Variants in E2F2 observed in about 807,000 individuals in gnomAD.
E2F2 encodes the protein transcription factor E2F2.
E2F2 carries 22 observed loss-of-function variants against 42.2 expected under a neutral mutation model. The observed-to-expected ratio is 0.52, with a 90% CI of 0.37 to 0.74. E2F2 has a LOEUF of 0.74. E2F2 is among the 30% of genes least tolerant of loss of function. The probability of loss-of-function intolerance (pLI) is 0.00; values close to 1 mark genes in which losing one functional copy is unlikely to be tolerated. For missense variants in E2F2, 481 were observed against 557.8 expected (o/e 0.86, Z 1.39); for synonymous variants, 248 against 251.6 (o/e 0.99, Z 0.13).
At chr1:23,520,751 AT>A (rs1643127348) in intron 4 of E2F2, among the ~76,000 whole-genome samples, 161 bp downstream of exon 4, 2 of 152,224 alleles carry the variant, frequency 1.3e-5, no homozygotes, top group Non-Finnish European at 1.5e-5. Context: ...TCTAAAAAAA[AT>A]AAATAAATAA....
At chr1:23,510,751 G>T (rs1251470630) in intron 6 of E2F2, among the ~76,000 whole-genome samples, 1 of 152,166 alleles carries the variant, frequency 6.6e-6, no homozygotes, top group Non-Finnish European at 1.5e-5. Flanking sequence ...AAAATCGCAG[G>T]GACAGAGAGT....
Position 23,524,401 on chromosome 1 carries a change from C to T in E2F2, c.340G>A (p.Gly114Ser), listed in dbSNP as rs973803149. The change falls in exon 2 of 7, where the codon GGC (glycine) becomes AGC (serine). Residue 114 changes from glycine (G) to serine (S), a missense_variant. Transcript: ENST00000361729. ...TGCTTACTTTTGGGGCTGGGGAGGC[C>T]ATCCACTCTGATGCACTTCCCCTTG... ...TPKGKCIRVD[G>S]LPSPKTPKSP... The T allele has an allele frequency of 5.6e-6, 9 of 1,612,748 alleles. No individual in the cohort carries two copies. Among genetic ancestry groups the T allele is most frequent in the Middle Eastern group, 1.7e-4 (1 of 6,050 alleles).
intron 6 of E2F2, among the ~76,000 whole-genome samples, chr1:23,513,946 A>T (rs537359754): frequency 6.6e-6 from 1 of 152,168 alleles, no homozygotes; most frequent in Non-Finnish European, 1.5e-5. Context: ...CAACATGGTG[A>T]AACCCTGTCT....
At chr1:23,520,851 A>G in intron 4 of E2F2, 62 bp downstream of exon 4, 4 of 1,451,594 alleles carry the variant, frequency 2.8e-6, no homozygotes, top group Non-Finnish European at 3.6e-6. Context: ...TCAACTCAGG[A>G]TAGATATAAA....
At chr1:23,519,210 C>T in intron 4 of E2F2, 80 bp from the exon 5 acceptor site, 2 of 918,274 alleles carry the variant, frequency 2.2e-6, no homozygotes, top group Non-Finnish European at 3.5e-6. Flanking sequence ...CTTCACCCAC[C>T]TCTCCTAAGC....
intron 1 of E2F2, 109 bp from the exon 2 acceptor site, chr1:23,524,597 C>T (rs1211681044): frequency 2.3e-6 from 2 of 871,388 alleles, no homozygotes; most frequent in Non-Finnish European, 3.5e-6. Context: ...ACCTCTGTGC[C>T]TCAGTTTACC....
At chr1:23,518,012 AAAC>A (rs1311369748) in intron 5 of E2F2, among the ~76,000 whole-genome samples, 1 of 152,150 alleles carries the variant, frequency 6.6e-6, no homozygotes, top group African/African-American at 2.4e-5. Flanking sequence ...TCTACAAAAA[AAAC>A]AAAAAATGTG....
chr1:23,515,862 G>A (rs1396845002), intron 6 of E2F2, among the ~76,000 whole-genome samples: 1 of 151,920 alleles, frequency 6.6e-6, no homozygotes, highest in Non-Finnish European at 1.5e-5. Context: ...CACCACACTC[G>A]GCTAATTTGT....
chr1:23,528,385 T>C (rs1459888031), intron 1 of E2F2, among the ~76,000 whole-genome samples: 2 of 152,182 alleles, frequency 1.3e-5, no homozygotes, highest in Non-Finnish European at 2.9e-5. Context: ...TTTGGAGCTG[T>C]TCCAGGTCAC....
Position 23,530,558 on chromosome 1 carries a change from G to C in E2F2, c.236C>G (p.Pro79Arg), listed in dbSNP as rs761052805. The change falls in exon 1 of 7, where the codon CCG (proline) becomes CGG (arginine). Residue 79 changes from proline to arginine, a missense_variant. Coordinates refer to ENST00000361729, the MANE Select transcript of E2F2 (RefSeq NM_004091.4). The surrounding 1 kb of genome is among the most constrained non-coding windows in gnomAD (Gnocchi z 4.4). ...GPEGQVVRCLPAGRLPAKRKL... is the reference protein window; with the variant it reads ...GPEGQVVRCLRAGRLPAKRKL... ...CAGCATTACCGGCAGCCGGCCTGCC[G>C]GCAGGCATCGCACAACTTGGCCCTC... The C allele has an allele frequency of 8.7e-6, 14 of 1,610,862 alleles. No homozygotes were observed. Among genetic ancestry groups the C allele is most frequent in the African/African-American group, 1.3e-5 (1 of 74,860 alleles).
rs2124260127 is a variant in E2F2 at position 23,524,472 on chromosome 1, T to C, written c.269A>G (p.Asp90Gly). 2 of 1,613,528 alleles carry C rather than the reference T, an allele frequency of 1.2e-6. No homozygotes were observed. The highest frequency in any genetic ancestry group is 1.7e-6 in the Non-Finnish European group (2 of 1,179,768). ...GACGGGCCTCCCAATCCCCTCCAGATCCAGCTTCCTTTTGGCCTTGGAGAA... is the reference window on the plus strand; with the variant it reads ...GACGGGCCTCCCAATCCCCTCCAGACCCAGCTTCCTTTTGGCCTTGGAGAA... ...AGRLPAKRKLDLEGIGRPVVP... is the reference protein window; with the variant it reads ...AGRLPAKRKLGLEGIGRPVVP... Residue 90 changes from aspartate (D) to glycine (G), a missense_variant, in exon 2 of 7, where the codon GAT (aspartate) becomes GGT (glycine). By Grantham distance (94) the Asp-to-Gly change is moderately conservative (BLOSUM62 -1). Transcript: ENST00000361729.
At chr1:23,525,195 C>A (rs2811977) in intron 1 of E2F2, among the ~76,000 whole-genome samples, 7,065 of 152,088 alleles carry the variant, frequency 0.046, 239 homozygotes, top group South Asian at 0.1. Flanking sequence ...GCCACCCCCC[C>A]CCTCCAGCTC....
At position 23,530,601 on chromosome 1, in the gene E2F2, C is replaced by T. The variant is rs1211405626; in HGVS notation, c.193G>A (p.Ala65Thr). 1 of 1,613,102 alleles carries T rather than the reference C, an allele frequency of 6.2e-7. No individual in the cohort carries two copies. The highest frequency in any genetic ancestry group is 8.5e-7 in the Non-Finnish European group (1 of 1,179,762). The change falls in exon 1 of 7, where the codon GCC becomes ACC. Residue 65 changes from alanine (A) to threonine (T), a missense_variant. By Grantham distance (58) the Ala-to-Thr change is moderately conservative. Coordinates refer to ENST00000361729, the MANE Select transcript of E2F2 (RefSeq NM_004091.4). This position sits in a 1 kb window ranked among gnomAD's most constrained non-coding sequence, Gnocchi z 4.4. The part of the protein sequence containing the change: ...PAAAPGTCLD[A>T]TPHGPEGQVV... ...TGGCCCTCGGGTCCGTGGGGAGTGG[C>T]GTCGAGGCAGGTGCCTGGCGCCGCT...
chr1:23,527,158 A>G (rs1643265254), intron 1 of E2F2, among the ~76,000 whole-genome samples: 1 of 152,212 alleles, frequency 6.6e-6, no homozygotes, highest in African/African-American at 2.4e-5. Context: ...AGTTGACGTC[A>G]AGTCACCTAT....
chr1:23,515,452 G>C (rs1398534117), intron 6 of E2F2, among the ~76,000 whole-genome samples: 1 of 152,144 alleles, frequency 6.6e-6, no homozygotes, highest in Non-Finnish European at 1.5e-5. Context: ...GGAGTATGTA[G>C]ACCAAGGTTC....
intron 1 of E2F2, among the ~76,000 whole-genome samples, chr1:23,529,490 G>C (rs1009380272): frequency 6.6e-6 from 1 of 152,184 alleles, no homozygotes; most frequent in African/African-American, 2.4e-5. Context: ...GTGGGGGGTG[G>C]TCTTATCCCT....
At position 23,507,749 on chromosome 1, in the gene E2F2, C is replaced by T; in HGVS notation, c.*2131G>A. 1 of 152,410 alleles carries T rather than the reference C, an allele frequency of 6.6e-6. No individual in the cohort carries two copies. Among genetic ancestry groups the T allele is most frequent in the Non-Finnish European group, 1.5e-5 (1 of 68,214 alleles). 9.4% of individuals were successfully genotyped at this position (152,410 alleles called of 1,614,324 possible). ...GCTGCTGAGCACACGGGGCACAAGC[C>T]TGAAGGCAGCTCCCCTGACCAGCCA... On this transcript the variant is annotated 3_prime_UTR_variant, in exon 7 of 7. Transcript: ENST00000361729.
Position 23,524,456 on chromosome 1 carries a change from C to A in E2F2, c.285G>T (p.Gly95=), listed in dbSNP as rs954016267. ...TTGGGAACTCAGGGACGACGGGCCT[C>A]CCAATCCCCTCCAGATCCAGCTTCC... ...AKRKLDLEGI[G]RPVVPEFPTP... The change falls in exon 2 of 7, where the codon GGG becomes GGT. Residue 95 remains glycine, a synonymous_variant. Coordinates refer to ENST00000361729, the MANE Select transcript of E2F2 (RefSeq NM_004091.4). The A allele has an allele frequency of 2.5e-6, 4 of 1,613,672 alleles. No individual in the cohort carries two copies. The highest frequency in any genetic ancestry group is 1.3e-5 in the African/African-American group (1 of 74,894).
In E2F2 at chr1:23,530,428, T is replaced by C; in HGVS notation, c.252+114A>G. 1 of 1,412,106 alleles carries C rather than the reference T, an allele frequency of 7.1e-7. No individual in the cohort carries two copies. The highest frequency in any genetic ancestry group is 9.4e-7 in the Non-Finnish European group (1 of 1,062,762). The allele number at this position is 1,412,106 out of a possible 1,614,324, so 87.5% of individuals were successfully genotyped here. A position where few individuals can be genotyped will look rare whatever the true frequency, so the allele number is the denominator to read the frequency against. ...GGGTCCTGGAAACTGAAAGCTCATC[T>C]TCCCTCTTCCCAAAACTCTACCTGC... On this transcript the variant is annotated intron_variant, in intron 1 of 6. Coordinates refer to ENST00000361729, the MANE Select transcript of E2F2 (RefSeq NM_004091.4). This position sits in a 1 kb window ranked among gnomAD's most constrained non-coding sequence, Gnocchi z 4.4.
Sources: allele counts gnomAD v4.1 joint callset (sites outside exome capture counted in the v4.1 genomes callset), GRCh38; gene constraint gnomAD v4.1.1; non-coding constraint Gnocchi (gnomAD v3.1); transcripts MANE v1.5; gene names NCBI Gene and HGNC (gene_info 2026-07-23, HGNC 2026-07-21).